The following HIPK2 variants were observed in gnomAD, a reference collection of about 807,000 sequenced individuals.
The protein encoded by HIPK2 is homeodomain-interacting protein kinase 2.
A neutral mutation model predicts 113.7 loss-of-function variants in HIPK2; 27 were observed. The observed-to-expected ratio is 0.24, with a 90% confidence interval of 0.17 to 0.33. The LOEUF (loss-of-function observed/expected upper bound fraction) is 0.33, where lower values mean the gene tolerates loss of function less well. Among genes scored for constraint, HIPK2 ranks in the 10% least tolerant of loss-of-function variants. The pLI is 1.00. For synonymous variants in HIPK2, 631 were observed against 642.2 expected (o/e 0.98, Z 0.26); for missense variants, 1,257 against 1,588.0 (o/e 0.79, Z 3.54).
intron 1 of HIPK2, among the ~76,000 whole-genome samples, chr7:139,739,106 T>G (rs1347743155): frequency 6.6e-6 from 1 of 152,196 alleles, no homozygotes; most frequent in South Asian, 2.1e-4. Context: ...CGGGCAAGTT[T>G]TGTTTTTGAA....
chr7:139,574,609 A>G (rs1175468730), intron 14 of HIPK2, among the ~76,000 whole-genome samples: 1 of 152,198 alleles, frequency 6.6e-6, no homozygotes, highest in Non-Finnish European at 1.5e-5. Context: ...CCTGATGCCG[A>G]GCCCTTGACA....
At chr7:139,727,491 T>C (rs1341845619) in intron 1 of HIPK2, among the ~76,000 whole-genome samples, 4 of 152,256 alleles carry the variant, frequency 2.6e-5, no homozygotes, top group Non-Finnish European at 2.9e-5. Context: ...AATGCTACCA[T>C]AGGCTGTGTT....
At chr7:139,588,195 G>A (rs1306432902) in intron 12 of HIPK2, among the ~76,000 whole-genome samples, 3 of 152,070 alleles carry the variant, frequency 2.0e-5, no homozygotes, top group Non-Finnish European at 4.4e-5. Context: ...GTGTGCACCT[G>A]TAATCCCAGC....
At chr7:139,583,033 C>T (rs1002056981) in intron 13 of HIPK2, among the ~76,000 whole-genome samples, 4 of 152,228 alleles carry the variant, frequency 2.6e-5, no homozygotes, top group African/African-American at 9.6e-5. Context: ...TCCTGGCGTT[C>T]CCTTTCCTTC....
At chr7:139,749,668 C>T (rs1401948905) in intron 1 of HIPK2, among the ~76,000 whole-genome samples, 1 of 152,180 alleles carries the variant, frequency 6.6e-6, no homozygotes, top group Admixed American at 6.5e-5. Flanking sequence ...GGAGAAGACT[C>T]GGGCTTAGAG....
At chr7:139,597,028 G>A in intron 11 of HIPK2, 30 bp from the exon 12 acceptor site, 1 of 1,566,660 alleles carries the variant, frequency 6.4e-7, no homozygotes, top group Non-Finnish European at 8.7e-7. Context: ...CTCTCACACA[G>A]AGGAAGGTCA....
Position 139,631,554 on chromosome 7 carries a change from C to T in HIPK2, c.1227+48G>A, listed in dbSNP as rs1800618813. The T allele has an allele frequency of 1.3e-6, 2 of 1,594,464 alleles. No homozygotes were observed. Among genetic ancestry groups the T allele is most frequent in the Non-Finnish European group, 1.7e-6 (2 of 1,169,274 alleles). ...ATGAAATGCTAATCCAGGCTATTTTCCAGATGAAGAATGAGGTCTTGTGAA... is the reference window on the plus strand; with the variant it reads ...ATGAAATGCTAATCCAGGCTATTTTTCAGATGAAGAATGAGGTCTTGTGAA... On this transcript the variant is annotated intron_variant, in intron 3 of 14. Coordinates refer to ENST00000406875, the MANE Select transcript of HIPK2 (RefSeq NM_022740.5). This position sits in a 1 kb window ranked among gnomAD's most constrained non-coding sequence, Gnocchi z 4.9.
At chr7:139,722,270 G>A (rs1464670605) in intron 1 of HIPK2, among the ~76,000 whole-genome samples, 1 of 152,172 alleles carries the variant, frequency 6.6e-6, no homozygotes, top group Non-Finnish European at 1.5e-5. Context: ...ATATGCTATA[G>A]TTAGAAGAAT....
At chr7:139,640,153 C>A (rs952884407) in intron 2 of HIPK2, among the ~76,000 whole-genome samples, 1 of 152,178 alleles carries the variant, frequency 6.6e-6, no homozygotes, top group African/African-American at 2.4e-5. Context: ...AAGTGTCAGA[C>A]AAAATCTGCA....
At chr7:139,703,232 T>C (rs1000481860) in intron 2 of HIPK2, among the ~76,000 whole-genome samples, 2 of 152,180 alleles carry the variant, frequency 1.3e-5, no homozygotes, top group Non-Finnish European at 2.9e-5. Flanking sequence ...TTTTAGCCCA[T>C]GTATAGATTT....
chr7:139,726,165 A>C (rs887747632), intron 1 of HIPK2, among the ~76,000 whole-genome samples: 4 of 152,228 alleles, frequency 2.6e-5, no homozygotes, highest in African/African-American at 9.6e-5. Flanking sequence ...CTATTTAAAG[A>C]GGTAACCACT....
At chr7:139,618,815 T>C (rs1800144081) in intron 7 of HIPK2, among the ~76,000 whole-genome samples, 1 of 152,156 alleles carries the variant, frequency 6.6e-6, no homozygotes, top group Admixed American at 6.5e-5. Flanking sequence ...TGATACCTGA[T>C]GGGGCAGATG....
At chr7:139,616,115 ACCTGTAT>A (rs1344018903) in intron 7 of HIPK2, among the ~76,000 whole-genome samples, 1 of 151,202 alleles carries the variant, frequency 6.6e-6, no homozygotes, top group East Asian at 1.9e-4. Context: ...GGGTCCTGGC[ACCTGTAT>A]CCTCTAGGTT....
chr7:139,647,565 T>C (rs931758778), intron 2 of HIPK2, among the ~76,000 whole-genome samples: 5 of 152,132 alleles, frequency 3.3e-5, no homozygotes, highest in African/African-American at 9.7e-5. Context: ...AAGCTTGACA[T>C]AGGGAGTTTG....
chr7:139,575,303 G>C lies in HIPK2; in HGVS notation c.2966-15C>G. ...ACTGGTGTTGACTGTGGCGGGAGGA[G>C]AAAGAGGTCAGATCAGTGGCAGGGT... On this transcript the variant is annotated splice_polypyrimidine_tract_variant and intron_variant, in intron 13 of 14. Transcript: ENST00000406875. The C allele has an allele frequency of 6.4e-7, 1 of 1,552,766 alleles. No homozygotes were observed.
intron 12 of HIPK2, among the ~76,000 whole-genome samples, chr7:139,589,316 A>G (rs1424385065): frequency 6.6e-6 from 1 of 152,106 alleles, no homozygotes; most frequent in African/African-American, 2.4e-5. Context: ...TCCTTTTAGC[A>G]GATGTACCTT....
intron 2 of HIPK2, among the ~76,000 whole-genome samples, chr7:139,695,410 C>A (rs1301351146): frequency 1.3e-5 from 2 of 152,180 alleles, no homozygotes; most frequent in African/African-American, 4.8e-5. Context: ...GCTCGCCACT[C>A]CATCTCTTGG....
intron 2 of HIPK2, among the ~76,000 whole-genome samples, chr7:139,671,583 G>T (rs931653079): frequency 3.3e-5 from 5 of 151,822 alleles, no homozygotes; most frequent in Non-Finnish European, 7.4e-5. Context: ...AGAGTCTCTC[G>T]CTGTGCCACC....
intron 1 of HIPK2, among the ~76,000 whole-genome samples, chr7:139,766,492 A>T (rs1796555139): frequency 6.6e-6 from 1 of 152,188 alleles, no homozygotes; most frequent in Admixed American, 6.5e-5. Context: ...GACAAATGGA[A>T]CAAGAGTGTC....
Sources: allele counts gnomAD v4.1 joint callset (sites outside exome capture counted in the v4.1 genomes callset), GRCh38; gene constraint gnomAD v4.1.1; non-coding constraint Gnocchi (gnomAD v3.1); transcripts MANE v1.5; gene names NCBI Gene and HGNC (gene_info 2026-07-23, HGNC 2026-07-21).